Variants in EBPL observed in about 807,000 individuals in gnomAD.
EBPL encodes the protein EBP like.
A neutral mutation model predicts 19.0 loss-of-function variants in EBPL; 20 were observed. That is an observed-to-expected ratio of 1.05 (90% CI 0.74 to 1.53). The LOEUF (loss-of-function observed/expected upper bound fraction) is 1.53. Among genes scored for constraint, EBPL ranks in the 40% most tolerant of loss-of-function variants. The pLI, the probability that EBPL is intolerant of heterozygous loss-of-function variation, is 0.00. For synonymous variants in EBPL, 107 were observed against 117.0 expected, an observed-to-expected ratio of 0.91 and a Z score of 0.55; for missense variants, 219 against 261.1, an observed-to-expected ratio of 0.84 and a Z score of 1.11.
At position 49,663,077 on chromosome 13, in the gene EBPL, T is replaced by C. The variant is rs1235356964; in HGVS notation, c.360A>G (p.Ile120Met). 6.2e-7 allele frequency: 1 copy of C among 1,614,164 alleles called. No individual in the cohort carries two copies. Among genetic ancestry groups the C allele is most frequent in the Non-Finnish European group, 8.5e-7 (1 of 1,180,044 alleles). Residue 120 changes from isoleucine to methionine, a missense_variant, in exon 3 of 4, where the codon ATA becomes ATG. Transcript: ENST00000242827. ...CCTACCGGTAATATTTTTCTTTGAC[T>C]ATGGCATAAATGAGGAACAATGCCA... The part of the protein sequence containing the change: ...GSLALFLIYA[I>M]VKEKYYRHFL...
chr13:49,682,045 G>A (rs925708588), intron 1 of EBPL, among the ~76,000 whole-genome samples: 5 of 152,128 alleles, frequency 3.3e-5, no homozygotes, highest in African/African-American at 7.2e-5. Context: ...GATCAGCTGC[G>A]GCAGCCTCCT....
chr13:49,666,730 A>AAAAAC (rs1965234575), intron 2 of EBPL, among the ~76,000 whole-genome samples: 1 of 150,314 alleles, frequency 6.7e-6, no homozygotes, highest in African/African-American at 2.5e-5. Context: ...AAAAAAAAAA[A>AAAAAC]AAAACAAAAA....
chr13:49,686,593 C>T, intron 1 of EBPL: 1 of 1,289,536 alleles, frequency 7.8e-7, no homozygotes. Context: ...TTCCCACTCT[C>T]TCCTAGGATA....
At chr13:49,686,284 C>A (rs1467676483) in intron 1 of EBPL, among the ~76,000 whole-genome samples, 2 of 152,154 alleles carry the variant, frequency 1.3e-5, no homozygotes, top group Non-Finnish European at 2.9e-5. Flanking sequence ...GAACCAAGAG[C>A]CCCCAGCCTG....
intron 2 of EBPL, among the ~76,000 whole-genome samples, chr13:49,664,647 C>G (rs1483800997): frequency 1.3e-5 from 2 of 152,154 alleles, no homozygotes; most frequent in South Asian, 4.1e-4. Flanking sequence ...GAAGTGATCA[C>G]ACCTCGTCTC....
chr13:49,663,142 C>A lies in EBPL; in HGVS notation c.295G>T (p.Val99Leu), dbSNP rs756852952. ...GCGACGGTCAGAATTTCCACAGACA[C>A]AATGGTTGGATCAAAATAAACCCAT... The part of the protein sequence containing the change: ...ARWVYFDPTI[V>L]SVEILTVALD... Residue 99 changes from valine to leucine, a missense_variant, in exon 3 of 4, where the codon GTG becomes TTG. Val to Leu is a conservative substitution (Grantham distance 32, BLOSUM62 1). Transcript: ENST00000242827. The A allele has an allele frequency of 1.2e-6, 2 of 1,614,192 alleles. No individual in the cohort carries two copies. The highest frequency in any genetic ancestry group is 8.5e-7 in the Non-Finnish European group (1 of 1,180,034).
chr13:49,662,197 C>A (rs912017973), intron 3 of EBPL, among the ~76,000 whole-genome samples: 2 of 152,138 alleles, frequency 1.3e-5, no homozygotes, highest in African/African-American at 4.8e-5. Context: ...GGGGTTTCAC[C>A]ATGTTGGCCA....
chr13:49,684,216 C>G (rs2137509325), intron 1 of EBPL, among the ~76,000 whole-genome samples: 1 of 152,194 alleles, frequency 6.6e-6, no homozygotes, highest in East Asian at 1.9e-4. Context: ...ACACAATCAC[C>G]CAAATTCACC....
chr13:49,677,718 G>C (rs73483812), intron 1 of EBPL, among the ~76,000 whole-genome samples: 1 of 152,170 alleles, frequency 6.6e-6, no homozygotes, highest in South Asian at 2.1e-4. Flanking sequence ...AGATCAGCCT[G>C]GCCAACAGTG....
intron 1 of EBPL, among the ~76,000 whole-genome samples, chr13:49,673,221 CAG>C: frequency 6.6e-6 from 1 of 152,166 alleles, no homozygotes; most frequent in Non-Finnish European, 1.5e-5. Flanking sequence ...TAAAAAAAAC[CAG>C]AGTTTGGCAG....
At position 49,691,362 on chromosome 13, in the gene EBPL, C is replaced by T; in HGVS notation, c.63G>A (p.Leu21=). 1.5e-6 allele frequency: 2 copies of T among 1,360,580 alleles called. No individual in the cohort carries two copies. Among genetic ancestry groups the T allele is most frequent in the Non-Finnish European group, 1.9e-6 (2 of 1,053,664 alleles). 84.3% of individuals were successfully genotyped at this position (1,360,580 alleles called of 1,614,324 possible). ...AGGSLLLCAA[L]LAAGCALGLR... ...GGCCCAGGGCGCAGCCCGCCGCCAG[C>T]AGCGCGGCGCACAGCAGCAGCGAAC... Residue 21 remains leucine (L), a synonymous_variant, in exon 1 of 4, where the codon CTG becomes CTA. Transcript: ENST00000242827.
At chr13:49,679,785 G>T (rs770378571) in intron 1 of EBPL, among the ~76,000 whole-genome samples, 22 of 152,132 alleles carry the variant, frequency 1.4e-4, no homozygotes, top group Non-Finnish European at 2.8e-4. Flanking sequence ...TTACAGGTGT[G>T]AGCCACCATG....
intron 1 of EBPL, among the ~76,000 whole-genome samples, chr13:49,684,197 C>T (rs1934440997): frequency 6.6e-6 from 1 of 152,124 alleles, no homozygotes; most frequent in African/African-American, 2.4e-5. Context: ...AGGGTGGTTA[C>T]ACAACTCTAC....
chr13:49,663,227 G>A lies in EBPL; in HGVS notation c.242-32C>T, dbSNP rs202068114. ...ACAAAATCCATGTTGTTACTCAAAT[G>A]GCAACAATTTTTATGACAGTTCATG... On this transcript the variant is annotated intron_variant, in intron 2 of 3. Coordinates refer to ENST00000242827, the MANE Select transcript of EBPL (RefSeq NM_032565.5). The A allele has an allele frequency of 6.3e-5, 101 of 1,609,726 alleles. 1 individual carries two copies. The African/African-American group carries it at 1.2e-3, about 19-fold the overall frequency.
In EBPL at chr13:49,667,143, G is replaced by A. The variant is rs1032603115; in HGVS notation, c.241+2634C>T. 5.9e-5 allele frequency among the ~76,000 whole-genome samples: 9 copies of A among 152,108 alleles called. No individual in the cohort carries two copies. The East Asian group carries it at 9.6e-4, about 16-fold the overall frequency. On this transcript the variant is annotated intron_variant, in intron 2 of 3. Coordinates refer to ENST00000242827, the MANE Select transcript of EBPL (RefSeq NM_032565.5). Reference sequence around the variant, plus strand: ...GGCCCTGGAATCCACCAGTCCCAGCGCATCTCCCTGTGGCATCTCCCTCTG... The same window carrying A: ...GGCCCTGGAATCCACCAGTCCCAGCACATCTCCCTGTGGCATCTCCCTCTG...
chr13:49,672,023 T>A (rs1953823153), intron 1 of EBPL, among the ~76,000 whole-genome samples: 1 of 152,182 alleles, frequency 6.6e-6, no homozygotes, highest in Non-Finnish European at 1.5e-5. Context: ...TAGTGAGAAT[T>A]AATATCTCAC....
At chr13:49,673,036 G>A (rs1953835229) in intron 1 of EBPL, among the ~76,000 whole-genome samples, 1 of 152,132 alleles carries the variant, frequency 6.6e-6, no homozygotes, top group African/African-American at 2.4e-5. Context: ...TCCAACCTTG[G>A]CGACAGAGTG....
intron 2 of EBPL, among the ~76,000 whole-genome samples, chr13:49,663,632 CAT>C (rs955700025): frequency 2.6e-5 from 4 of 152,124 alleles, no homozygotes; most frequent in Admixed American, 2.6e-4. Flanking sequence ...TTATGAAGGA[CAT>C]GTTTATAAAA....
In EBPL at chr13:49,687,175, T is replaced by C. The variant is rs143932456; in HGVS notation, c.171+4079A>G. ...CCAGATTTTGCTGTCTTAGTTAACA[T>C]GATCACCATTACCCATGTTGCTCAG... On this transcript the variant is annotated intron_variant, in intron 1 of 3. Coordinates refer to ENST00000242827, the MANE Select transcript of EBPL (RefSeq NM_032565.5). 2.0e-5 allele frequency among the ~76,000 whole-genome samples: 3 copies of C among 152,198 alleles called. No homozygotes were observed. The East Asian group carries it at 5.8e-4, about 29-fold the overall frequency.
Sources: gnomAD v4.1 joint callset for allele counts (sites outside exome capture counted in the v4.1 genomes callset) on GRCh38, gnomAD v4.1.1 for gene constraint, MANE v1.5 for transcripts, NCBI Gene and HGNC (gene_info 2026-07-23, HGNC 2026-07-21) for gene names.